The following RBFOX3 variants were observed in gnomAD, a reference collection of about 807,000 sequenced individuals.
RBFOX3 encodes the protein RNA binding fox-1 homolog 3, also known as RNA binding protein fox-1 homolog 3.
RBFOX3 carries 17 observed loss-of-function variants against 48.7 expected under a neutral mutation model. The observed-to-expected ratio is 0.35, with a 90% CI of 0.24 to 0.52. The LOEUF is 0.52. RBFOX3 is among the 20% of genes least tolerant of loss of function. The probability of loss-of-function intolerance (pLI) is 0.94; values close to 1 mark genes in which losing one functional copy is unlikely to be tolerated. For missense variants in RBFOX3, 382 were observed against 497.5 expected, an observed-to-expected ratio of 0.77 and a Z score of 2.21; for synonymous variants, 212 against 209.5, an observed-to-expected ratio of 1.01 and a Z score of -0.10.
At chr17:79,458,313 A>G (rs1290604534) in intron 2 of RBFOX3, among the ~76,000 whole-genome samples, 2 of 152,232 alleles carry the variant, frequency 1.3e-5, no homozygotes, top group Non-Finnish European at 2.9e-5. Context: ...AGAGAAATGT[A>G]CAGGTGCCTC....
intron 4 of RBFOX3, chr17:79,183,532 G>A (rs991009147): frequency 5.9e-5 from 9 of 152,164 alleles, no homozygotes; most frequent in African/African-American, 2.2e-4. Flanking sequence ...CGAAAGGAGA[G>A]CGGCGCGCCT....
the RBFOX3 span, among the ~76,000 whole-genome samples, chr17:79,648,913 T>C: frequency 4.0e-5 from 6 of 151,594 alleles, no homozygotes; most frequent in Non-Finnish European, 7.4e-5. Flanking sequence ...TGGTGTTACA[T>C]TCCAGATGCC....
the RBFOX3 span, among the ~76,000 whole-genome samples, chr17:79,619,088 T>C: frequency 2.0e-5 from 3 of 152,188 alleles, no homozygotes; most frequent in African/African-American, 7.2e-5. Context: ...TCAAATACTT[T>C]TCAAAGGAAG....
intron 4 of RBFOX3, among the ~76,000 whole-genome samples, chr17:79,144,974 T>C (rs958033299): frequency 2.0e-5 from 3 of 152,174 alleles, no homozygotes; most frequent in Non-Finnish European, 4.4e-5. Flanking sequence ...ACACGCTGGT[T>C]CCCACCTGAG....
chr17:79,106,664 C>T lies in RBFOX3; in HGVS notation c.347G>A (p.Arg116Gln), dbSNP rs199891032. ...GCGCACACTCACCCCGAACATTTGC[C>T]GCAAGTCGGGGTCCCTGAACCGGAA... ...IPFRFRDPDL[R>Q]QMFGQFGKIL... The change falls in exon 6 of 15, where the codon CGG becomes CAG. Residue 116 changes from arginine (R) to glutamine (Q), a missense_variant. Arg to Gln is a conservative substitution (Grantham distance 43). Transcript: ENST00000693108. 426 of 1,482,342 alleles carry T rather than the reference C, an allele frequency of 2.9e-4. No individual in the cohort carries two copies. Among genetic ancestry groups the T allele is most frequent in the Non-Finnish European group, 2.7e-4 (301 of 1,120,298 alleles). 91.8% of individuals were successfully genotyped at this position (1,482,342 alleles called of 1,614,324 possible). A position where few individuals can be genotyped will look rare whatever the true frequency, so the allele number is the denominator to read the frequency against.
chr17:79,578,199 C>T (rs997464181), intron 1 of RBFOX3, among the ~76,000 whole-genome samples: 15 of 152,354 alleles, frequency 9.8e-5, no homozygotes, highest in Non-Finnish European at 1.8e-4. Flanking sequence ...GGGATTTTGG[C>T]GATGCCGGGA....
Position 79,418,073 on chromosome 17 carries a change from G to C in RBFOX3, c.-175+64381C>G, listed in dbSNP as rs369700227. Among the ~76,000 whole-genome samples the C allele has an allele frequency of 1.5e-4, 23 of 152,332 alleles. No homozygotes were observed. The East Asian group carries it at 4.4e-3, about 29-fold the overall frequency. On this transcript the variant is annotated intron_variant, in intron 2 of 14. Coordinates refer to ENST00000693108, the MANE Select transcript of RBFOX3 (RefSeq NM_001350451.2). This position sits in a 1 kb window ranked among gnomAD's most constrained non-coding sequence, Gnocchi z 5.0. ...CAGGGGCTGGGGAGATAGGAAGGGG[G>C]CTTCGTGTTTCCTGGGGACAGAGCT...
chr17:79,104,400 C>A (rs981425331), intron 6 of RBFOX3, among the ~76,000 whole-genome samples: 1 of 152,128 alleles, frequency 6.6e-6, no homozygotes, highest in Non-Finnish European at 1.5e-5. Flanking sequence ...GCTCTCCCAG[C>A]CTCTCCTGGA....
intron 1 of RBFOX3, among the ~76,000 whole-genome samples, chr17:79,557,413 C>T (rs1048971825): frequency 6.6e-6 from 1 of 151,480 alleles, no homozygotes; most frequent in Admixed American, 6.6e-5. Context: ...CTCCAAACCC[C>T]GAGAAAACCC....
intron 4 of RBFOX3, among the ~76,000 whole-genome samples, chr17:79,140,405 C>T (rs1434995293): frequency 6.6e-6 from 1 of 152,262 alleles, no homozygotes; most frequent in African/African-American, 2.4e-5. Flanking sequence ...GCTGAGATGC[C>T]ACTGCCTCCT....
At chr17:79,389,997 CTCCGCAGCCTCCAGGT>C (rs1352135376) in intron 2 of RBFOX3, among the ~76,000 whole-genome samples, 15 of 113,450 alleles carry the variant, frequency 1.3e-4, no homozygotes, top group African/African-American at 3.2e-5. Flanking sequence ...GCCTCCAGGT[CTCCGCAGCCTCCAGGT>C]CTCCGCAGCC....
chr17:79,551,185 T>G (rs2091111151), intron 1 of RBFOX3, among the ~76,000 whole-genome samples: 1 of 152,164 alleles, frequency 6.6e-6, no homozygotes, highest in Admixed American at 6.5e-5. Context: ...GCAAGGCCAG[T>G]TAGAAGAGAT....
chr17:79,395,909 G>A (rs2061938580), intron 2 of RBFOX3, among the ~76,000 whole-genome samples: 1 of 152,236 alleles, frequency 6.6e-6, no homozygotes, highest in Non-Finnish European at 1.5e-5. Flanking sequence ...CTGCAGCTAG[G>A]CCATGGGGCA....
intron 2 of RBFOX3, among the ~76,000 whole-genome samples, chr17:79,330,171 T>C (rs1349670806): frequency 6.6e-6 from 1 of 152,240 alleles, no homozygotes; most frequent in East Asian, 1.9e-4. Flanking sequence ...CTTCTCCAGA[T>C]GAGTTTAACC....
the RBFOX3 span, among the ~76,000 whole-genome samples, chr17:79,663,063 T>C: frequency 3.0e-4 from 46 of 152,346 alleles, no homozygotes; most frequent in African/African-American, 1.1e-3. Flanking sequence ...GCATTTCCTA[T>C]AATTAATGGC....
At chr17:79,650,765 G>A in the RBFOX3 span, among the ~76,000 whole-genome samples, 1 of 152,124 alleles carries the variant, frequency 6.6e-6, no homozygotes, top group African/African-American at 2.4e-5. Flanking sequence ...AAAGGCAGCT[G>A]TCCACCCATG....
At chr17:79,180,001 T>C (rs2051520008) in intron 4 of RBFOX3, among the ~76,000 whole-genome samples, 1 of 152,098 alleles carries the variant, frequency 6.6e-6, no homozygotes, top group Non-Finnish European at 1.5e-5. Context: ...ATGAAGTGAG[T>C]GTGGCCCAGG....
At chr17:79,442,348 GGAGGAAGAGGGGGGGAGAGAGAGA>G (rs2071242052) in intron 2 of RBFOX3, among the ~76,000 whole-genome samples, 2 of 34,394 alleles carry the variant, frequency 5.8e-5, no homozygotes, top group African/African-American at 2.5e-4. Flanking sequence ...AGGGAGGGAG[GGAGGAAGAGGGGGGGAGAGAGAGA>G]GAGAGAGAGA....
At chr17:79,474,841 C>T (rs2077504574) in intron 2 of RBFOX3, among the ~76,000 whole-genome samples, 1 of 152,156 alleles carries the variant, frequency 6.6e-6, no homozygotes, top group South Asian at 2.1e-4. Context: ...AAAAATGTGT[C>T]CACATCCCTC....
Sources: allele counts gnomAD v4.1 joint callset (sites outside exome capture counted in the v4.1 genomes callset), GRCh38; gene constraint gnomAD v4.1.1; non-coding constraint Gnocchi (gnomAD v3.1); transcripts MANE v1.5; gene names NCBI Gene and HGNC (gene_info 2026-07-23, HGNC 2026-07-21).